The following ATP13A4 variants were observed in gnomAD, a reference collection of about 807,000 sequenced individuals.
ATP13A4 encodes the protein ATPase 13A4, also known as probable cation-transporting ATPase 13A4.
A neutral mutation model predicts 142.5 loss-of-function variants in ATP13A4; 114 were observed. That is an observed-to-expected ratio of 0.80 (90% CI 0.69 to 0.93). The LOEUF (loss-of-function observed/expected upper bound fraction) is 0.93, where lower values mean the gene tolerates loss of function less well. Ranked by LOEUF, ATP13A4 falls within the 40% of genes least tolerant of loss-of-function variation. The pLI is 0.00. For missense variants in ATP13A4, 1,392 were observed against 1,454.0 expected, an observed-to-expected ratio of 0.96 and a Z score of 0.69; for synonymous variants, 488 against 514.8, an observed-to-expected ratio of 0.95 and a Z score of 0.70.
intron 16 of ATP13A4, among the ~76,000 whole-genome samples, chr3:193,456,004 T>C (rs1407180547): frequency 6.6e-6 from 1 of 151,980 alleles, no homozygotes; most frequent in Non-Finnish European, 1.5e-5. Context: ...GAACAACACA[T>C]ACTGGGGCCT....
intron 14 of ATP13A4, 104 bp downstream of exon 14, chr3:193,458,977 C>T: frequency 6.6e-7 from 1 of 1,519,468 alleles, no homozygotes; most frequent in Non-Finnish European, 9.1e-7. Flanking sequence ...ATGTACTCCA[C>T]ATTGGAAACC....
chr3:193,467,075 G>A (rs1047728038), intron 10 of ATP13A4, among the ~76,000 whole-genome samples: 1 of 152,042 alleles, frequency 6.6e-6, no homozygotes, highest in African/African-American at 2.4e-5. Context: ...AAGGACAACT[G>A]CTTGAGGGAA....
rs915712462 is a variant in ATP13A4, at chr3:193,445,115, C to T, written c.2153-2559G>A. Among the ~76,000 whole-genome samples the T allele has an allele frequency of 5.3e-5, 8 of 152,210 alleles. No homozygotes were observed. In the East Asian group the frequency reaches 9.7e-4, roughly 18 times the overall value. ...ATGACTAGAGAAGTCAAGAAGCTGC[C>T]GGAGACAGATGAAACCTGCTTTAAA... On this transcript the variant is annotated intron_variant, in intron 18 of 29. Transcript: ENST00000342695.
Position 193,466,109 on chromosome 3 carries a change from C to T in ATP13A4, c.1188G>A (p.Arg396=). The change falls in exon 11 of 30, where the codon AGG becomes AGA. Residue 396 remains arginine, a synonymous_variant. Coordinates refer to ENST00000342695, the MANE Select transcript of ATP13A4 (RefSeq NM_032279.4). ...GGCACAGGAGGAACCTGATGGCATCCCTGTACAACTGAAAATTCACTGGCT... is the reference window on the plus strand; with the variant it reads ...GGCACAGGAGGAACCTGATGGCATCTCTGTACAACTGAAAATTCACTGGCT... ...YPKPVNFQLY[R]DAIRFLLCLV... is the part of the protein sequence containing the mutation. The T allele has an allele frequency of 6.2e-7, 1 of 1,614,098 alleles. No individual in the cohort carries two copies. The highest frequency in any genetic ancestry group is 8.5e-7 in the Non-Finnish European group (1 of 1,179,988).
chr3:193,577,409 C>T (rs1467314343), intron 2 of ATP13A4, among the ~76,000 whole-genome samples: 1 of 152,122 alleles, frequency 6.6e-6, no homozygotes, highest in Non-Finnish European at 1.5e-5. Context: ...GCCTTTTCAC[C>T]TTCTCTTTAT....
At chr3:193,537,233 G>C (rs1044060897) in intron 1 of ATP13A4, among the ~76,000 whole-genome samples, 1 of 152,074 alleles carries the variant, frequency 6.6e-6, no homozygotes, top group African/African-American at 2.4e-5. Context: ...AATCAAGACT[G>C]TATGGCATTG....
intron 1 of ATP13A4, among the ~76,000 whole-genome samples, chr3:193,540,151 C>T (rs960793453): frequency 5.9e-5 from 9 of 152,014 alleles, no homozygotes; most frequent in African/African-American, 2.2e-4. Context: ...GGAGAAGGTA[C>T]ATGGGAAATT....
At chr3:193,501,783 TCCAAG>T (rs1720559054) in intron 3 of ATP13A4, among the ~76,000 whole-genome samples, 1 of 152,124 alleles carries the variant, frequency 6.6e-6, no homozygotes, top group Non-Finnish European at 1.5e-5. Context: ...CTAGTCATAA[TCCAAG>T]CAGAACTAAT....
chr3:193,549,433 TAG>T lies in ATP13A4; in HGVS notation c.60+5305_60+5306del, dbSNP rs374646368. Among the ~76,000 whole-genome samples, 530 of 136,562 alleles carry T rather than the reference TAG, an allele frequency of 3.9e-3. 2 individuals are homozygous for T. The highest frequency in any genetic ancestry group is 0.018 in the South Asian group (77 of 4,168). The allele number at this position is 136,562 out of a possible 152,430, so 89.6% of individuals were successfully genotyped here. A position where few individuals can be genotyped will look rare whatever the true frequency, so the allele number is the denominator to read the frequency against. ...TAATTATCAAATATATATATATATA[TAG>T]AGAGAGAGAGAGAGAGAGAGAGATC... On this transcript the variant is annotated intron_variant, in intron 1 of 29. Coordinates refer to ENST00000342695, the MANE Select transcript of ATP13A4 (RefSeq NM_032279.4).
intron 12 of ATP13A4, among the ~76,000 whole-genome samples, chr3:193,464,262 C>G (rs1435402261): frequency 2.0e-5 from 3 of 152,190 alleles, no homozygotes; most frequent in Admixed American, 2.0e-4. Flanking sequence ...TCTTGCTTTC[C>G]TGCCTCCAGG....
rs116439218 is a variant in ATP13A4 at position 193,446,866 on chromosome 3, G to A, written c.2152+1340C>T. ...ACTGGACTTGTCATGAGCAATATCA[G>A]AAGCCACAAGGCAAAGGAATAGCCC... On this transcript the variant is annotated intron_variant, in intron 18 of 29. Transcript: ENST00000342695. Among the ~76,000 whole-genome samples, 973 of 152,194 alleles carry A rather than the reference G, an allele frequency of 6.4e-3. 15 individuals are homozygous for A. The highest frequency in any genetic ancestry group is 0.022 in the African/African-American group (931 of 41,528).
At chr3:193,496,393 C>A (rs1430187121) in intron 3 of ATP13A4, among the ~76,000 whole-genome samples, 1 of 152,110 alleles carries the variant, frequency 6.6e-6, no homozygotes, top group African/African-American at 2.4e-5. Context: ...AATGGAACCA[C>A]ATAGAGAAAA....
chr3:193,442,351 G>A, intron 19 of ATP13A4, 42 bp downstream of exon 19: 1 of 1,594,438 alleles, frequency 6.3e-7, no homozygotes, highest in Non-Finnish European at 8.6e-7. Context: ...AACACTGCAA[G>A]ACACATTGAT....
At chr3:193,538,169 A>G (rs546248893) in intron 1 of ATP13A4, among the ~76,000 whole-genome samples, 16 of 152,314 alleles carry the variant, frequency 1.1e-4, no homozygotes, top group African/African-American at 3.4e-4. Flanking sequence ...ATCTCCGAAT[A>G]TCTTTTTAAA....
intron 29 of ATP13A4, chr3:193,404,111 C>A: frequency 1.0e-6 from 1 of 985,352 alleles, no homozygotes; most frequent in Non-Finnish European, 1.2e-6. Context: ...TACTTTCCTG[C>A]AGCAAGGTTT....
At chr3:193,473,342 A>C (rs2108649496) in intron 8 of ATP13A4, among the ~76,000 whole-genome samples, 1 of 152,218 alleles carries the variant, frequency 6.6e-6, no homozygotes, top group South Asian at 2.1e-4. Flanking sequence ...TCAGTAAATG[A>C]ATAAATAAAT....
chr3:193,497,281 A>C (rs1456028864), intron 3 of ATP13A4, among the ~76,000 whole-genome samples: 1 of 152,236 alleles, frequency 6.6e-6, no homozygotes, highest in Non-Finnish European at 1.5e-5. Flanking sequence ...ATTTTTCAAA[A>C]GAAGACACAC....
In ATP13A4 at chr3:193,485,335, T is replaced by C. The variant is rs541011983; in HGVS notation, c.739-1330A>G. Among the ~76,000 whole-genome samples, 316 of 151,650 alleles carry C rather than the reference T, an allele frequency of 2.1e-3. 2 individuals carry two copies. Among genetic ancestry groups the C allele is most frequent in the Admixed American group, 6.0e-3 (91 of 15,266 alleles). ...GTACAGGTGGAGCAGCAGTTACACG[T>C]ACAGGTGGAGCAGCAGTCCTTAGAG... On this transcript the variant is annotated intron_variant, in intron 7 of 29. Transcript: ENST00000342695.
At chr3:193,440,871 T>C (rs925927613) in intron 20 of ATP13A4, among the ~76,000 whole-genome samples, 1 of 152,158 alleles carries the variant, frequency 6.6e-6, no homozygotes, top group Non-Finnish European at 1.5e-5. Flanking sequence ...AAATATTTTA[T>C]GAAAATGATG....
Sources: allele counts gnomAD v4.1 joint callset (sites outside exome capture counted in the v4.1 genomes callset), GRCh38; gene constraint gnomAD v4.1.1; transcripts MANE v1.5; gene names NCBI Gene and HGNC (gene_info 2026-07-23, HGNC 2026-07-21).